Variants in KCNMB2 observed in about 807,000 individuals in gnomAD.
The protein encoded by KCNMB2 is potassium calcium-activated channel subfamily M regulatory beta subunit 2.
In KCNMB2, 9 loss-of-function variants were observed where a neutral mutation model predicts 24.5. The observed-to-expected ratio is 0.37, with a 90% CI of 0.22 to 0.64. The LOEUF (loss-of-function observed/expected upper bound fraction) is 0.64, where lower values mean the gene tolerates loss of function less well. Ranked by LOEUF, KCNMB2 falls within the 30% of genes least tolerant of loss-of-function variation. The pLI, the probability that KCNMB2 is intolerant of heterozygous loss-of-function variation, is 0.63. For missense variants in KCNMB2, 226 were observed against 284.3 expected (o/e 0.79, Z 1.47); for synonymous variants, 109 against 104.4 (o/e 1.04, Z -0.27).
intron 1 of KCNMB2, among the ~76,000 whole-genome samples, chr3:178,589,405 CA>C (rs1287888178): frequency 6.6e-6 from 1 of 152,170 alleles, no homozygotes; most frequent in Non-Finnish European, 1.5e-5. Flanking sequence ...CAGAAATAAC[CA>C]GCAGATCACA....
intron 2 of KCNMB2, among the ~76,000 whole-genome samples, chr3:178,817,228 A>ATATATATATATATAT (rs1553781212): frequency 5.9e-5 from 6 of 102,402 alleles, no homozygotes; most frequent in African/African-American, 3.2e-4. Flanking sequence ...TATATATATA[A>ATATATATATATATAT]ATGAAGTGTG....
intron 1 of KCNMB2, among the ~76,000 whole-genome samples, chr3:178,553,675 T>C (rs1381322468): frequency 6.6e-6 from 1 of 151,996 alleles, no homozygotes; most frequent in East Asian, 1.9e-4. Context: ...GGAGCAGAGA[T>C]TATGGGCGCG....
chr3:178,770,174 G>C (rs1320217989), intron 1 of KCNMB2, among the ~76,000 whole-genome samples: 2 of 152,158 alleles, frequency 1.3e-5, no homozygotes, highest in Non-Finnish European at 2.9e-5. Context: ...CTAAATTCTA[G>C]TTGCCCAAGT....
At chr3:178,687,529 T>G (rs796927256) in intron 1 of KCNMB2, among the ~76,000 whole-genome samples, 4 of 151,226 alleles carry the variant, frequency 2.6e-5, no homozygotes, top group African/African-American at 9.6e-5. Flanking sequence ...AACATAATGC[T>G]CAGGAATCAA....
chr3:178,772,683 T>C (rs1442704215), intron 1 of KCNMB2, among the ~76,000 whole-genome samples: 1 of 152,252 alleles, frequency 6.6e-6, no homozygotes, highest in East Asian at 1.9e-4. Flanking sequence ...TTTCATACAC[T>C]GCTAAATTTC....
At chr3:178,755,660 C>T (rs76308809) in intron 1 of KCNMB2, among the ~76,000 whole-genome samples, 21,281 of 152,118 alleles carry the variant, frequency 0.14, 1,838 homozygotes, top group Non-Finnish European at 0.18. Flanking sequence ...ATTTCCTAGG[C>T]TATGCAAAGG....
At chr3:178,705,818 T>C (rs1722259858) in intron 1 of KCNMB2, among the ~76,000 whole-genome samples, 2 of 152,094 alleles carry the variant, frequency 1.3e-5, no homozygotes, top group Admixed American at 6.6e-5. Flanking sequence ...GTCAAAGCCA[T>C]CTCCTCCAGG....
rs71181254 is a variant in KCNMB2 at position 178,828,925 on chromosome 3, CTGTGTGTGTGTGTGTGTGTGTGTGTG to C, written c.423+576_423+601del. Among the ~76,000 whole-genome samples, 1,042 of 142,844 alleles carry C rather than the reference CTGTGTGTGTGTGTGTGTGTGTGTGTG, an allele frequency of 7.3e-3. 10 individuals carry two copies. The highest frequency in any genetic ancestry group is 0.022 in the African/African-American group (861 of 38,436). The allele number at this position is 142,844 out of a possible 152,430, so 93.7% of individuals were successfully genotyped here. Reference sequence around the variant, plus strand: ...GCATGCTACTTTCAACCCATGGTCACTGTGTGTGTGTGTGTGTGTGTGTGTGTGTGTGTGTGTGTGTGTGTGTGTTC... The same window carrying C: ...GCATGCTACTTTCAACCCATGGTCACTGTGTGTGTGTGTGTGTGTGTGTTC... On this transcript the variant is annotated intron_variant, in intron 4 of 4. Coordinates refer to ENST00000452583, the MANE Select transcript of KCNMB2 (RefSeq NM_181361.3).
Position 178,545,361 on chromosome 3 carries a change from G to A in KCNMB2, c.-68+8650G>A, listed in dbSNP as rs61611722. Among the ~76,000 whole-genome samples the A allele has an allele frequency of 4.2e-3, 645 of 152,294 alleles. 4 individuals carry two copies. The highest frequency in any genetic ancestry group is 0.014 in the African/African-American group (581 of 41,574). ...AATAATGAGTTTGGTTTTGTAAGAC[G>A]TTTGAAGTCTTTTCCTCATTGGATT... On this transcript the variant is annotated intron_variant, in intron 1 of 4. Transcript: ENST00000452583.
At chr3:178,576,411 G>A (rs1716991163) in intron 1 of KCNMB2, among the ~76,000 whole-genome samples, 1 of 152,118 alleles carries the variant, frequency 6.6e-6, no homozygotes, top group Admixed American at 6.5e-5. Flanking sequence ...AGAAAGCTGG[G>A]CAGACGTTTG....
chr3:178,675,478 A>G (rs190805959), intron 1 of KCNMB2, among the ~76,000 whole-genome samples: 44 of 152,282 alleles, frequency 2.9e-4, no homozygotes, highest in Non-Finnish European at 5.4e-4. Flanking sequence ...AGAACTGCTG[A>G]CACACCTGCT....
chr3:178,614,367 A>G (rs1459896702), intron 1 of KCNMB2, among the ~76,000 whole-genome samples: 2 of 140,628 alleles, frequency 1.4e-5, no homozygotes, highest in African/African-American at 5.2e-5. Context: ...ATGAGATTTA[A>G]TGGACTCACA....
intron 1 of KCNMB2, among the ~76,000 whole-genome samples, chr3:178,550,843 T>C (rs745796753): frequency 6.6e-5 from 10 of 152,198 alleles, no homozygotes; most frequent in Non-Finnish European, 1.5e-4. Flanking sequence ...TGAAATCATG[T>C]ATGCCACGTG....
intron 2 of KCNMB2, among the ~76,000 whole-genome samples, chr3:178,819,104 G>A (rs888047791): frequency 2.6e-5 from 4 of 152,082 alleles, no homozygotes; most frequent in Non-Finnish European, 4.4e-5. Flanking sequence ...CTGTAGTTAC[G>A]GTTTTTAATT....
intron 1 of KCNMB2, among the ~76,000 whole-genome samples, chr3:178,553,897 G>A (rs1716039920): frequency 6.6e-6 from 1 of 152,038 alleles, no homozygotes; most frequent in Non-Finnish European, 1.5e-5. Flanking sequence ...ATAAAAGAAG[G>A]AATGAAGGTA....
chr3:178,730,312 A>G (rs1394798791), intron 1 of KCNMB2, among the ~76,000 whole-genome samples: 1 of 152,084 alleles, frequency 6.6e-6, no homozygotes, highest in Non-Finnish European at 1.5e-5. Context: ...TATTTACGGT[A>G]CTTGCATGTA....
intron 1 of KCNMB2, among the ~76,000 whole-genome samples, chr3:178,656,336 A>G (rs7429015): frequency 0.73 from 110,942 of 152,148 alleles, 41,697 homozygotes; most frequent in African/African-American, 0.94. Flanking sequence ...GCTAACAAAC[A>G]CTGAATTCAA....
chr3:178,757,922 AGGATATATATATACACAAGG>A (rs1297080138), intron 1 of KCNMB2, among the ~76,000 whole-genome samples: 12 of 131,728 alleles, frequency 9.1e-5, no homozygotes, highest in Admixed American at 2.5e-4. Context: ...TATATCCAAG[AGGATATATATATACACAAGG>A]GGATATATAG....
intron 1 of KCNMB2, among the ~76,000 whole-genome samples, chr3:178,738,327 TCCCTC>T (rs1437506197): frequency 3.9e-5 from 6 of 152,158 alleles, no homozygotes; most frequent in African/African-American, 1.4e-4. Context: ...TATTGGGCCC[TCCCTC>T]CAACAATCTA....
Sources: gnomAD v4.1 joint callset for allele counts (sites outside exome capture counted in the v4.1 genomes callset) on GRCh38, gnomAD v4.1.1 for gene constraint, MANE v1.5 for transcripts, NCBI Gene and HGNC (gene_info 2026-07-23, HGNC 2026-07-21) for gene names.